The following TBC1D14 variants were observed in gnomAD, a reference collection of about 807,000 sequenced individuals.
TBC1D14 encodes TBC1 domain family, member 14.
In TBC1D14, 26 loss-of-function variants were observed where a neutral mutation model predicts 79.0. That is an observed-to-expected ratio of 0.33 (90% confidence interval 0.24 to 0.46). The LOEUF (loss-of-function observed/expected upper bound fraction) is 0.46, where lower values mean the gene tolerates loss of function less well. Among genes scored for constraint, TBC1D14 ranks in the 20% least tolerant of loss-of-function variants. The pLI, the probability that TBC1D14 is intolerant of heterozygous loss-of-function variation, is 1.00. For missense variants in TBC1D14, 769 were observed against 887.6 expected, an observed-to-expected ratio of 0.87 and a Z score of 1.70; for synonymous variants, 394 against 349.9, an observed-to-expected ratio of 1.13 and a Z score of -1.40.
chr4:7,028,840 C>G (rs1170243285), intron 13 of TBC1D14, among the ~76,000 whole-genome samples: 2 of 151,214 alleles, frequency 1.3e-5, no homozygotes, highest in African/African-American at 4.9e-5. Context: ...TTTCTTTTTC[C>G]TTCTTTTTTT....
At chr4:6,994,657 G>C (rs1577138653) in intron 4 of TBC1D14, among the ~76,000 whole-genome samples, 2 of 152,166 alleles carry the variant, frequency 1.3e-5, no homozygotes, top group African/African-American at 4.8e-5. Context: ...AGACCAGCCT[G>C]GCCAACATGG....
At chr4:6,998,185 C>T (rs1429964944) in intron 5 of TBC1D14, among the ~76,000 whole-genome samples, 1 of 151,960 alleles carries the variant, frequency 6.6e-6, no homozygotes, top group Non-Finnish European at 1.5e-5. Context: ...CATGGTAAAA[C>T]CCTGTCTCTA....
At chr4:6,951,065 A>G (rs989282473) in intron 2 of TBC1D14, among the ~76,000 whole-genome samples, 4 of 152,210 alleles carry the variant, frequency 2.6e-5, no homozygotes, top group African/African-American at 9.6e-5. Flanking sequence ...CAAGGCGGGC[A>G]GATCAACTGA....
chr4:6,949,698 T>G (rs1394197328), intron 2 of TBC1D14, among the ~76,000 whole-genome samples: 3 of 117,192 alleles, frequency 2.6e-5, no homozygotes, highest in African/African-American at 9.4e-5. Flanking sequence ...AAAAAAAAAA[T>G]TGAATCCTTG....
chr4:6,999,238 G>C, intron 6 of TBC1D14, 36 bp downstream of exon 6: 1 of 1,565,576 alleles, frequency 6.4e-7, no homozygotes, highest in Non-Finnish European at 8.8e-7. Context: ...GAACTGCAGA[G>C]CATGTCTTTC....
At chr4:6,963,068 G>A (rs1341852677) in intron 2 of TBC1D14, among the ~76,000 whole-genome samples, 2 of 152,262 alleles carry the variant, frequency 1.3e-5, no homozygotes, top group Non-Finnish European at 2.9e-5. Context: ...CATAGGTACA[G>A]AATGGAGGGA....
chr4:6,987,788 T>TGGTCAGGTTGC (rs1306029782), intron 3 of TBC1D14, among the ~76,000 whole-genome samples: 4 of 152,266 alleles, frequency 2.6e-5, no homozygotes, highest in African/African-American at 9.6e-5. Context: ...CCCAATGAGG[T>TGGTCAGGTTGC]GGTCAGGTTG....
At chr4:7,004,077 T>C (rs1719942587) in intron 7 of TBC1D14, among the ~76,000 whole-genome samples, 1 of 152,130 alleles carries the variant, frequency 6.6e-6, no homozygotes, top group Non-Finnish European at 1.5e-5. Context: ...AACAGGGCGC[T>C]GAGAAGGAGC....
At chr4:6,993,345 T>G (rs961268484) in intron 3 of TBC1D14, among the ~76,000 whole-genome samples, 2 of 152,218 alleles carry the variant, frequency 1.3e-5, no homozygotes, top group African/African-American at 2.4e-5. Context: ...TTGGCTCTCC[T>G]GAGTTCTTCC....
At chr4:6,947,661 CAAAAAA>C (rs60601291) in intron 2 of TBC1D14, among the ~76,000 whole-genome samples, 1 of 117,294 alleles carries the variant, frequency 8.5e-6, no homozygotes, top group Non-Finnish European at 1.7e-5. Flanking sequence ...GATTCCGTCT[CAAAAAA>C]AAAAAAAAAA....
chr4:6,974,667 CT>C (rs1414671623), intron 3 of TBC1D14, among the ~76,000 whole-genome samples: 1 of 152,144 alleles, frequency 6.6e-6, no homozygotes, highest in Non-Finnish European at 1.5e-5. Flanking sequence ...CTGGCTGGAA[CT>C]TGTGTGTGGA....
chr4:6,958,473 C>G (rs968290628), intron 2 of TBC1D14, among the ~76,000 whole-genome samples: 4 of 152,144 alleles, frequency 2.6e-5, no homozygotes, highest in Non-Finnish European at 4.4e-5. Context: ...GTCACCCAGG[C>G]TGGCTGGAGT....
chr4:6,977,963 G>A (rs1339798712), intron 3 of TBC1D14, among the ~76,000 whole-genome samples: 4 of 149,724 alleles, frequency 2.7e-5, no homozygotes, highest in African/African-American at 1.0e-4. Context: ...CCCTCTGCCT[G>A]GCAACCGCCC....
At chr4:7,006,795 A>G in intron 9 of TBC1D14, 69 bp downstream of exon 9, 2 of 1,461,692 alleles carry the variant, frequency 1.4e-6, no homozygotes, top group Non-Finnish European at 1.9e-6. Context: ...AACTGTGTAT[A>G]TTTGTTGTCA....
At position 6,996,964 on chromosome 4, in the gene TBC1D14, T is replaced by C. The variant is rs539354180; in HGVS notation, c.1045+557T>C. ...AAGAAGATATTTTGATAAAATTCCT[T>C]GCAACACTTAAACTCTTTTTCTAGG... On this transcript the variant is annotated intron_variant, in intron 5 of 13. Transcript: ENST00000409757. 4 of 152,382 alleles carry C rather than the reference T, an allele frequency of 2.6e-5. No homozygotes were observed. The East Asian group carries it at 7.7e-4, about 29-fold the overall frequency. 9.4% of individuals were successfully genotyped at this position (152,382 alleles called of 1,614,324 possible).
chr4:6,930,086 A>G (rs780828439), intron 2 of TBC1D14, among the ~76,000 whole-genome samples: 1 of 152,152 alleles, frequency 6.6e-6, no homozygotes, highest in African/African-American at 2.4e-5. Flanking sequence ...CAGAGGTGCA[A>G]TGGTGATTTT....
At chr4:6,917,433 C>G (rs1384566353) in intron 1 of TBC1D14, among the ~76,000 whole-genome samples, 1 of 152,094 alleles carries the variant, frequency 6.6e-6, no homozygotes, top group Non-Finnish European at 1.5e-5. Flanking sequence ...GGCCTGGGAG[C>G]TTTCTGGGAG....
intron 5 of TBC1D14, 128 bp downstream of exon 5, chr4:6,996,535 T>TAAA (rs11374636): frequency 1.0e-4 from 55 of 526,886 alleles, no homozygotes; most frequent in Middle Eastern, 3.5e-4. Flanking sequence ...AGTCTTCCAG[T>TAAA]AAAAAAAAAA....
At chr4:7,023,680 G>T (rs770371491) in intron 12 of TBC1D14, among the ~76,000 whole-genome samples, 9 of 152,228 alleles carry the variant, frequency 5.9e-5, no homozygotes, top group Non-Finnish European at 1.2e-4. Context: ...GTCAGGTTCA[G>T]AGTCTGGCTC....
Sources: allele counts gnomAD v4.1 joint callset (sites outside exome capture counted in the v4.1 genomes callset), GRCh38; gene constraint gnomAD v4.1.1; transcripts MANE v1.5; gene names NCBI Gene and HGNC (gene_info 2026-07-23, HGNC 2026-07-21).